Variants in TMEM132B observed in about 807,000 individuals in gnomAD.
The protein encoded by TMEM132B is transmembrane protein 132B.
A neutral mutation model predicts 90.8 loss-of-function variants in TMEM132B; 18 were observed. The observed-to-expected ratio is 0.20, with a 90% CI of 0.14 to 0.29. TMEM132B has a LOEUF of 0.29. Ranked by LOEUF, TMEM132B falls within the 10% of genes least tolerant of loss-of-function variation. The pLI, the probability that TMEM132B is intolerant of heterozygous loss-of-function variation, is 1.00. For missense variants in TMEM132B, 1,096 were observed against 1,326.8 expected, an observed-to-expected ratio of 0.83 and a Z score of 2.70; for synonymous variants, 504 against 523.3, an observed-to-expected ratio of 0.96 and a Z score of 0.50.
chr12:125,228,908 A>G (rs1422180918), intron 1 of TMEM132B, among the ~76,000 whole-genome samples: 2 of 152,148 alleles, frequency 1.3e-5, no homozygotes, highest in African/African-American at 2.4e-5. Context: ...TTCTTTGACT[A>G]ATTCTCTCCC....
intron 3 of TMEM132B, among the ~76,000 whole-genome samples, chr12:125,422,677 G>A (rs957671637): frequency 6.6e-6 from 1 of 152,182 alleles, no homozygotes; most frequent in Non-Finnish European, 1.5e-5. Flanking sequence ...GACTGGTGTC[G>A]TTTTAAGAGA....
intron 1 of TMEM132B, among the ~76,000 whole-genome samples, chr12:125,267,453 A>C (rs1252603364): frequency 6.6e-6 from 1 of 152,184 alleles, no homozygotes; most frequent in Non-Finnish European, 1.5e-5. Flanking sequence ...GTAATCTCCG[A>C]CCTTGTGTGT....
chr12:125,243,032 T>TATATAC (rs1215676534), intron 1 of TMEM132B, among the ~76,000 whole-genome samples: 21 of 135,006 alleles, frequency 1.6e-4, no homozygotes, highest in African/African-American at 5.8e-4. Context: ...TATATATATA[T>TATATAC]ACACACACAC....
intron 3 of TMEM132B, among the ~76,000 whole-genome samples, chr12:125,452,612 C>T (rs1881185146): frequency 6.6e-6 from 1 of 152,202 alleles, no homozygotes; most frequent in Non-Finnish European, 1.5e-5. Flanking sequence ...TAGGAGTTCT[C>T]ATTTTTCCAC....
At chr12:125,216,208 A>G (rs1873433729) in intron 1 of TMEM132B, among the ~76,000 whole-genome samples, 1 of 152,042 alleles carries the variant, frequency 6.6e-6, no homozygotes, top group Non-Finnish European at 1.5e-5. Context: ...TAGCAAGGTC[A>G]GTTTTTGGTG....
chr12:125,294,963 G>A (rs552529185), intron 1 of TMEM132B, among the ~76,000 whole-genome samples: 1 of 152,198 alleles, frequency 6.6e-6, no homozygotes. Flanking sequence ...GAAAAATGCA[G>A]GAAGCATGTA....
intron 1 of TMEM132B, among the ~76,000 whole-genome samples, chr12:125,294,272 A>G (rs1336632858): frequency 6.6e-6 from 1 of 152,242 alleles, no homozygotes; most frequent in Admixed American, 6.5e-5. Flanking sequence ...GTTAGGCAGC[A>G]GACAACTGGA....
At chr12:125,474,015 CTTCCTTCCTTCT>C (rs1881790942) in intron 3 of TMEM132B, among the ~76,000 whole-genome samples, 1 of 145,284 alleles carries the variant, frequency 6.9e-6, no homozygotes, top group African/African-American at 2.6e-5. Context: ...CTCACCTTTC[CTTCCTTCCTTCT>C]TTCCTTCCTT....
At chr12:125,522,356 G>C (rs1176649936) in intron 4 of TMEM132B, among the ~76,000 whole-genome samples, 1 of 152,212 alleles carries the variant, frequency 6.6e-6, no homozygotes, top group African/African-American at 2.4e-5. Flanking sequence ...AACTATCACA[G>C]AGGACTGGGA....
At chr12:125,452,449 T>C (rs1254003020) in intron 3 of TMEM132B, among the ~76,000 whole-genome samples, 1 of 152,254 alleles carries the variant, frequency 6.6e-6, no homozygotes, top group African/African-American at 2.4e-5. Flanking sequence ...TTAATCATAC[T>C]TGCATGTGTC....
intron 5 of TMEM132B, among the ~76,000 whole-genome samples, chr12:125,628,861 A>T (rs1382821846): frequency 6.6e-6 from 1 of 152,106 alleles, no homozygotes; most frequent in Non-Finnish European, 1.5e-5. Context: ...TCATTTCTCT[A>T]CATATGGATA....
At chr12:125,439,462 C>T (rs1880802890) in intron 3 of TMEM132B, among the ~76,000 whole-genome samples, 2 of 152,094 alleles carry the variant, frequency 1.3e-5, no homozygotes, top group South Asian at 4.2e-4. Flanking sequence ...TGATTTGGCT[C>T]TTGGCTTGGC....
At chr12:125,313,525 C>T (rs1876170533) in intron 1 of TMEM132B, among the ~76,000 whole-genome samples, 1 of 115,468 alleles carries the variant, frequency 8.7e-6, no homozygotes, top group Non-Finnish European at 1.8e-5. Flanking sequence ...CTTCATTTCC[C>T]ACCCCCTCCC....
At position 125,277,833 on chromosome 12, in the gene TMEM132B, A is replaced by G. The variant is rs1875045779; in HGVS notation, c.68-71619A>G. 6.6e-6 allele frequency among the ~76,000 whole-genome samples: 1 copy of G among 152,240 alleles called. No individual in the cohort carries two copies. On this transcript the variant is annotated intron_variant, in intron 1 of 8. Coordinates refer to ENST00000682704, the MANE Select transcript of TMEM132B (RefSeq NM_001366854.1). This position sits in a 1 kb window ranked among gnomAD's most constrained non-coding sequence, Gnocchi z 4.3. The stretch of plus-strand genomic sequence containing the variant: ...AAGTTGGACAAATGGCTACTGTTTA[A>G]AAACAGAAATTTTATGTAAAAGCCT...
At chr12:125,206,653 C>T (rs540139371) in intron 1 of TMEM132B, among the ~76,000 whole-genome samples, 1 of 152,242 alleles carries the variant, frequency 6.6e-6, no homozygotes, top group Admixed American at 6.5e-5. Context: ...TAGCCCATTG[C>T]TCGGTTGCCT....
intron 5 of TMEM132B, among the ~76,000 whole-genome samples, chr12:125,626,758 T>G (rs2136983717): frequency 6.6e-6 from 1 of 152,324 alleles, no homozygotes; most frequent in Middle Eastern, 3.4e-3. Flanking sequence ...GTTTGCATAT[T>G]ACATGCCTAA....
intron 4 of TMEM132B, among the ~76,000 whole-genome samples, chr12:125,524,711 A>G (rs963809715): frequency 6.6e-6 from 1 of 152,210 alleles, no homozygotes; most frequent in Non-Finnish European, 1.5e-5. Flanking sequence ...TGTAGTTGTC[A>G]AACTTTGGGA....
intron 1 of TMEM132B, among the ~76,000 whole-genome samples, chr12:125,312,218 T>C (rs1040694369): frequency 2.6e-5 from 4 of 152,228 alleles, no homozygotes; most frequent in African/African-American, 9.6e-5. Context: ...TGAATTTTAG[T>C]ATATTTGATG....
In TMEM132B at chr12:125,653,703, A is replaced by G. The variant is rs367577637; in HGVS notation, c.2245A>G (p.Lys749Glu). 1 of 1,614,094 alleles carries G rather than the reference A, an allele frequency of 6.2e-7. No individual in the cohort carries two copies. Among genetic ancestry groups the G allele is most frequent in the African/African-American group, 1.3e-5 (1 of 74,928 alleles). Residue 749 changes from lysine (K) to glutamate (E), a missense_variant, in exon 9 of 9, where the codon AAA becomes GAA. Coordinates refer to ENST00000682704, the MANE Select transcript of TMEM132B (RefSeq NM_001366854.1). ...VVSVQANLES[K>E]WPIVVAEGEG... is the part of the protein sequence containing the mutation. ...GTCTGTCCAGGCAAACCTTGAGTCC[A>G]AATGGCCAATTGTGGTTGCAGAGGG...
Sources: gnomAD v4.1 joint callset for allele counts (sites outside exome capture counted in the v4.1 genomes callset) on GRCh38, gnomAD v4.1.1 for gene constraint, Gnocchi (gnomAD v3.1) non-coding constraint, MANE v1.5 for transcripts, NCBI Gene and HGNC (gene_info 2026-07-23, HGNC 2026-07-21) for gene names.